Variants in FAM219A observed in about 807,000 individuals in gnomAD.
FAM219A encodes the protein protein FAM219A.
Under a neutral mutation model 23.4 loss-of-function variants are expected in FAM219A, and 7 were observed. That is an observed-to-expected ratio of 0.30 (90% CI 0.17 to 0.56). The LOEUF (loss-of-function observed/expected upper bound fraction) is 0.56. Ranked by LOEUF, FAM219A falls within the 20% of genes least tolerant of loss-of-function variation. FAM219A has a pLI of 0.92. For synonymous variants in FAM219A, 93 were observed against 99.0 expected (o/e 0.94, Z 0.36); for missense variants, 166 against 246.9 (o/e 0.67, Z 2.20).
At position 34,402,532 on chromosome 9, in the gene FAM219A, G is replaced by A. The variant is rs556935074; in HGVS notation, c.264-65C>T. ...GCATAGAAACCTGGCAAGGGACTGG[G>A]TTGGGCCCCGTCCCACCACTTTCTT... On this transcript the variant is annotated intron_variant, in intron 3 of 5. Transcript: ENST00000651358. The A allele has an allele frequency of 5.6e-6, 9 of 1,602,104 alleles. No homozygotes were observed. In the East Asian group the frequency reaches 8.9e-5, roughly 16 times the overall value.
At chr9:34,416,183 AAAAG>A (rs757662813) in intron 1 of FAM219A, among the ~76,000 whole-genome samples, 6,257 of 63,658 alleles carry the variant, frequency 0.098, 390 homozygotes, top group African/African-American at 0.11. Context: ...GAAGAAAGAG[AAAAG>A]AAAGAAAGAA....
chr9:34,417,899 C>G lies in FAM219A; in HGVS notation c.61-11935G>C, dbSNP rs2131956654. 6.6e-6 allele frequency among the ~76,000 whole-genome samples: 1 copy of G among 152,320 alleles called. No individual in the cohort carries two copies. The highest frequency in any genetic ancestry group is 2.1e-4 in the South Asian group (1 of 4,820). The stretch of plus-strand genomic sequence containing the variant: ...CTCTTACACTGAAGACTGGGAAGGG[C>G]TTTAAGTGGAGCACTGGCACTGCCT... On this transcript the variant is annotated intron_variant, in intron 1 of 5. Transcript: ENST00000651358. The surrounding 1 kb of genome is among the most constrained non-coding windows in gnomAD (Gnocchi z 4.1).
intron 1 of FAM219A, among the ~76,000 whole-genome samples, chr9:34,406,656 C>T (rs1015174283): frequency 1.3e-5 from 2 of 152,208 alleles, no homozygotes; most frequent in Non-Finnish European, 2.9e-5. Flanking sequence ...GCCCAGAGTG[C>T]AAAATACTTG....
At position 34,416,223 on chromosome 9, in the gene FAM219A, GAAA is replaced by G. The variant is rs1198954224; in HGVS notation, c.61-10262_61-10260del. Among the ~76,000 whole-genome samples, 23 of 113,580 alleles carry G rather than the reference GAAA, an allele frequency of 2.0e-4. 1 individual carries two copies. The highest frequency in any genetic ancestry group is 7.0e-4 in the African/African-American group (21 of 29,874). 74.5% of individuals were successfully genotyped at this position (113,580 alleles called of 152,430 possible). ...AGAAAGAAAGAAAGAAAGAAAGAAA[GAAA>G]GAAAGAAAGAAAGAAAGAAAGAAAG... On this transcript the variant is annotated intron_variant, in intron 1 of 5. Transcript: ENST00000651358.
chr9:34,398,325 G>A lies in FAM219A; in HGVS notation c.*2639C>T, dbSNP rs1165622084. ...CACACACCTTCCTGGAAATAAATTA[G>A]TGAGCACGGAGAAACCTGGCTGGGT... On this transcript the variant is annotated 3_prime_UTR_variant, in exon 6 of 6. Transcript: ENST00000651358. The A allele has an allele frequency of 3.9e-6, 6 of 1,550,710 alleles. No individual in the cohort carries two copies. The highest frequency in any genetic ancestry group is 4.4e-6 in the Non-Finnish European group (5 of 1,147,018).
intron 1 of FAM219A, among the ~76,000 whole-genome samples, chr9:34,446,359 C>T (rs1823375429): frequency 6.6e-6 from 1 of 152,142 alleles, no homozygotes; most frequent in Non-Finnish European, 1.5e-5. Context: ...TTGATATATA[C>T]AAAACATTAG....
intron 1 of FAM219A, among the ~76,000 whole-genome samples, chr9:34,439,233 T>C (rs1449888033): frequency 1.3e-5 from 2 of 152,198 alleles, no homozygotes; most frequent in Admixed American, 1.3e-4. Flanking sequence ...TTGAAGTCAG[T>C]GAGACCAAGA....
intron 1 of FAM219A, among the ~76,000 whole-genome samples, chr9:34,445,363 A>G (rs113226672): frequency 6.6e-6 from 1 of 152,238 alleles, no homozygotes; most frequent in Non-Finnish European, 1.5e-5. Context: ...CCAGAATATC[A>G]TTTGTATAAA....
intron 1 of FAM219A, among the ~76,000 whole-genome samples, chr9:34,416,737 C>G (rs1278204237): frequency 8.9e-6 from 1 of 112,380 alleles, no homozygotes. Flanking sequence ...GACTCTGTCT[C>G]AAAAAAAAAA....
chr9:34,455,039 AGT>A (rs1161781747), intron 1 of FAM219A, among the ~76,000 whole-genome samples: 1 of 152,196 alleles, frequency 6.6e-6, no homozygotes, highest in African/African-American at 2.4e-5. Context: ...ACACTAAGAG[AGT>A]GAGCAAGAGA....
At chr9:34,401,156 C>A (rs767277074) in intron 5 of FAM219A, 34 bp from the exon 6 acceptor site, 11 of 1,605,520 alleles carry the variant, frequency 6.9e-6, no homozygotes, top group Middle Eastern at 1.7e-4. Context: ...CAGGCCCGAG[C>A]GGCAGGGAGG....
At chr9:34,426,643 T>C (rs948157572) in intron 1 of FAM219A, among the ~76,000 whole-genome samples, 1 of 152,242 alleles carries the variant, frequency 6.6e-6, no homozygotes, top group Non-Finnish European at 1.5e-5. Context: ...GAAAGCTGAC[T>C]TTAAAATCTG....
intron 1 of FAM219A, among the ~76,000 whole-genome samples, chr9:34,442,705 AAG>A (rs1823225998): frequency 6.6e-6 from 1 of 151,948 alleles, no homozygotes; most frequent in Non-Finnish European, 1.5e-5. Context: ...AACAAAAAAA[AAG>A]AGACATGTCA....
At chr9:34,402,577 A>T in intron 3 of FAM219A, 110 bp from the exon 4 acceptor site, 2 of 1,561,156 alleles carry the variant, frequency 1.3e-6, no homozygotes, top group Non-Finnish European at 1.7e-6. Context: ...CCCACCTTGG[A>T]TCCTGTTAAG....
rs143748994 is a variant in FAM219A at position 34,452,650 on chromosome 9, C to G, written c.60+5554G>C. 6.6e-5 allele frequency among the ~76,000 whole-genome samples: 10 copies of G among 152,354 alleles called. No homozygotes were observed. The East Asian group carries it at 1.7e-3, about 26-fold the overall frequency. On this transcript the variant is annotated intron_variant, in intron 1 of 5. Transcript: ENST00000651358. ...CTCCAATCTCTCATCCACCACTAAC[C>G]TAAACTCAGATTTGATCATGTTATT...
chr9:34,407,202 ACT>A (rs1475447282), intron 1 of FAM219A, among the ~76,000 whole-genome samples: 1 of 151,654 alleles, frequency 6.6e-6, no homozygotes, highest in Non-Finnish European at 1.5e-5. Flanking sequence ...TCTCCCTGAG[ACT>A]CTGAGGACCA....
intron 1 of FAM219A, among the ~76,000 whole-genome samples, chr9:34,434,234 A>G (rs1822824822): frequency 6.7e-6 from 1 of 150,028 alleles, no homozygotes; most frequent in South Asian, 2.1e-4. Context: ...AAAAGAATGA[A>G]GTGGCCTCTC....
At chr9:34,433,395 A>G (rs1588058887) in intron 1 of FAM219A, among the ~76,000 whole-genome samples, 1 of 152,182 alleles carries the variant, frequency 6.6e-6, no homozygotes, top group East Asian at 1.9e-4. Flanking sequence ...TTATCAGCCA[A>G]CAACCTGCTT....
At chr9:34,405,996 G>T (rs1279746447) in intron 1 of FAM219A, 32 bp from the exon 2 acceptor site, 1 of 1,576,204 alleles carries the variant, frequency 6.3e-7, no homozygotes, top group African/African-American at 1.3e-5. Flanking sequence ...ACAGAGAGTT[G>T]TTAGGGAGTG....
Sources: gnomAD v4.1 joint callset for allele counts (sites outside exome capture counted in the v4.1 genomes callset) on GRCh38, gnomAD v4.1.1 for gene constraint, Gnocchi (gnomAD v3.1) non-coding constraint, MANE v1.5 for transcripts, NCBI Gene and HGNC (gene_info 2026-07-23, HGNC 2026-07-21) for gene names.